The following CHN2 variants were observed in gnomAD, a reference collection of about 807,000 sequenced individuals.
CHN2 encodes chimerin 2, also known as beta-chimaerin.
A neutral mutation model predicts 56.3 loss-of-function variants in CHN2; 35 were observed. The ratio of observed to expected loss-of-function variants is 0.62; its 90% CI spans 0.47 to 0.82. CHN2 has a LOEUF of 0.82. Among genes scored for constraint, CHN2 ranks in the 40% least tolerant of loss-of-function variants. The probability of loss-of-function intolerance (pLI) is 0.00; values close to 1 mark genes in which losing one functional copy is unlikely to be tolerated. For synonymous variants in CHN2, 210 were observed against 212.8 expected, an observed-to-expected ratio of 0.99 and a Z score of 0.12; for missense variants, 491 against 580.5, an observed-to-expected ratio of 0.85 and a Z score of 1.58.
intron 1 of CHN2, among the ~76,000 whole-genome samples, chr7:29,284,440 A>G (rs1791985901): frequency 6.6e-6 from 1 of 152,200 alleles, no homozygotes; most frequent in African/African-American, 2.4e-5. Context: ...CTAAAGAAAG[A>G]TAATTGAAGC....
Position 29,221,787 on chromosome 7 carries a change from G to T in CHN2, c.49+26797G>T, listed in dbSNP as rs77861854. On this transcript the variant is annotated intron_variant, in intron 1 of 12. Transcript: ENST00000222792. ...CCATTCATGTCCCTGCAGAGGACAT[G>T]ATCTCATTCCTTTTTATGGCTGCAT... Among the ~76,000 whole-genome samples, 846 of 152,268 alleles carry T rather than the reference G, an allele frequency of 5.6e-3. 4 individuals are homozygous for T. The highest frequency in any genetic ancestry group is 0.018 in the African/African-American group (745 of 41,550).
At chr7:29,201,274 C>G (rs1784138745) in intron 1 of CHN2, among the ~76,000 whole-genome samples, 1 of 152,170 alleles carries the variant, frequency 6.6e-6, no homozygotes, top group Admixed American at 6.5e-5. Flanking sequence ...GAAACTGTCT[C>G]ATGCCACTCA....
intron 1 of CHN2, among the ~76,000 whole-genome samples, chr7:29,263,284 C>T (rs1439546065): frequency 6.6e-6 from 1 of 152,224 alleles, no homozygotes; most frequent in Non-Finnish European, 1.5e-5. Flanking sequence ...CCCGCCTCGG[C>T]CTCCCGAGGT....
chr7:29,445,064 C>T (rs2128126668), intron 6 of CHN2: 2 of 451,796 alleles, frequency 4.4e-6, no homozygotes, highest in South Asian at 3.1e-5. Flanking sequence ...CCATTTTAGT[C>T]TGTTGGTCCC....
chr7:29,232,622 T>C (rs1477380007), intron 1 of CHN2, among the ~76,000 whole-genome samples: 5 of 152,182 alleles, frequency 3.3e-5, no homozygotes, highest in African/African-American at 1.2e-4. Flanking sequence ...ATCTGATATA[T>C]TTATTTCCAT....
chr7:29,491,116 CTAA>C (rs1302324632), intron 7 of CHN2, among the ~76,000 whole-genome samples: 2 of 152,102 alleles, frequency 1.3e-5, no homozygotes, highest in Non-Finnish European at 2.9e-5. Flanking sequence ...ATCTCTATCA[CTAA>C]TAATGCAAAT....
intron 6 of CHN2, among the ~76,000 whole-genome samples, chr7:29,436,438 G>A (rs1428972670): frequency 6.6e-6 from 1 of 152,068 alleles, no homozygotes; most frequent in Non-Finnish European, 1.5e-5. Context: ...ATATTGATGG[G>A]AAAAAAGCTG....
At chr7:29,368,287 T>C (rs1445953871) in intron 3 of CHN2, among the ~76,000 whole-genome samples, 1 of 152,190 alleles carries the variant, frequency 6.6e-6, no homozygotes, top group Non-Finnish European at 1.5e-5. Flanking sequence ...AATATCCTTT[T>C]GATTCTTTTA....
chr7:29,337,849 G>A (rs913750057), intron 1 of CHN2, among the ~76,000 whole-genome samples: 7 of 152,188 alleles, frequency 4.6e-5, no homozygotes, highest in African/African-American at 1.7e-4. Flanking sequence ...GGTGTCTGAA[G>A]TGTTGCTAAT....
rs949020370 is a variant in CHN2, at chr7:29,483,742, C to G, written c.654+3386C>G. 6 of 897,996 alleles carry G rather than the reference C, an allele frequency of 6.7e-6. No individual in the cohort carries two copies. The African/African-American group carries it at 1.1e-4, about 16-fold the overall frequency. The allele number at this position is 897,996 out of a possible 1,614,324, so 55.6% of individuals were successfully genotyped here. ...ACCCTAATAATACCTTATGGCTGAGCTCTGAAAATCTTCAGGCCAGCCAAC... is the reference window on the plus strand; with the variant it reads ...ACCCTAATAATACCTTATGGCTGAGGTCTGAAAATCTTCAGGCCAGCCAAC... On this transcript the variant is annotated intron_variant, in intron 7 of 12. Transcript: ENST00000222792.
intron 1 of CHN2, among the ~76,000 whole-genome samples, chr7:29,301,384 C>T (rs1793647226): frequency 7.3e-6 from 1 of 136,112 alleles, no homozygotes; most frequent in South Asian, 2.4e-4. Flanking sequence ...CACACACACA[C>T]ACACAGTTTT....
At chr7:29,457,684 C>G (rs560540043) in intron 6 of CHN2, among the ~76,000 whole-genome samples, 1 of 152,222 alleles carries the variant, frequency 6.6e-6, no homozygotes, top group Admixed American at 6.5e-5. Context: ...AAATGAGTAT[C>G]AGGAGGGAAA....
intron 2 of CHN2, among the ~76,000 whole-genome samples, chr7:29,168,493 T>C (rs998456341): frequency 2.0e-5 from 3 of 152,226 alleles, no homozygotes; most frequent in African/African-American, 7.2e-5. Flanking sequence ...GCATCTGTAA[T>C]CTCTACCCAT....
In CHN2 at chr7:29,194,846, C is replaced by A; in HGVS notation, c.-96C>A. ...CGCGTCCCCAGGACTTTGCCATGGGCTGGGGGCCGCGGAGGCTGCGAGCGG... is the reference window on the plus strand; with the variant it reads ...CGCGTCCCCAGGACTTTGCCATGGGATGGGGGCCGCGGAGGCTGCGAGCGG... On this transcript the variant is annotated 5_prime_UTR_variant, in exon 1 of 13. The change creates a new upstream start codon in the 5' untranslated region. Transcript: ENST00000222792. The A allele has an allele frequency of 6.7e-6, 8 of 1,192,632 alleles. No homozygotes were observed. The highest frequency in any genetic ancestry group is 8.7e-6 in the Non-Finnish European group (8 of 920,800). The allele number at this position is 1,192,632 out of a possible 1,614,324, so 73.9% of individuals were successfully genotyped here.
chr7:29,475,630 T>A (rs1786526470), intron 6 of CHN2, among the ~76,000 whole-genome samples: 1 of 152,224 alleles, frequency 6.6e-6, no homozygotes, highest in Non-Finnish European at 1.5e-5. Flanking sequence ...GTCCATCAAC[T>A]GATAAATGGA....
intron 1 of CHN2, among the ~76,000 whole-genome samples, chr7:29,321,665 C>T (rs904398803): frequency 2.0e-5 from 3 of 151,210 alleles, no homozygotes; most frequent in African/African-American, 7.3e-5. Context: ...CCACCTCCCG[C>T]GTTCAAGTAA....
At chr7:29,219,062 A>G (rs1470491879) in intron 1 of CHN2, among the ~76,000 whole-genome samples, 1 of 152,222 alleles carries the variant, frequency 6.6e-6, no homozygotes, top group African/African-American at 2.4e-5. Flanking sequence ...AGACTGATGC[A>G]GTGCGTATTA....
At chr7:29,493,429 A>G (rs1416436110) in intron 7 of CHN2, among the ~76,000 whole-genome samples, 2 of 152,178 alleles carry the variant, frequency 1.3e-5, no homozygotes, top group African/African-American at 2.4e-5. Flanking sequence ...AATATCATCT[A>G]TTCATCATAG....
intron 6 of CHN2, among the ~76,000 whole-genome samples, chr7:29,411,324 C>G (rs1380558460): frequency 6.6e-6 from 1 of 152,160 alleles, no homozygotes; most frequent in African/African-American, 2.4e-5. Flanking sequence ...TATTATTTTC[C>G]TTCTTTGGCC....
Sources: gnomAD v4.1 joint callset for allele counts (sites outside exome capture counted in the v4.1 genomes callset) on GRCh38, gnomAD v4.1.1 for gene constraint, MANE v1.5 for transcripts, NCBI Gene and HGNC (gene_info 2026-07-23, HGNC 2026-07-21) for gene names.